Variants in LRP1B observed in about 807,000 individuals in gnomAD.
LRP1B encodes low-density lipoprotein receptor-related protein 1B.
In LRP1B, 217 loss-of-function variants were observed where a neutral mutation model predicts 556.6. The ratio of observed to expected loss-of-function variants is 0.39; its 90% confidence interval spans 0.35 to 0.44. The LOEUF (loss-of-function observed/expected upper bound fraction) is 0.44, where lower values mean the gene tolerates loss of function less well. LRP1B is among the 20% of genes least tolerant of loss of function. The probability of loss-of-function intolerance (pLI) is 1.00; values close to 1 mark genes in which losing one functional copy is unlikely to be tolerated. For missense variants in LRP1B, 5,053 were observed against 5,620.8 expected (o/e 0.90, Z 3.23); for synonymous variants, 2,047 against 1,865.8 (o/e 1.10, Z -2.50).
chr2:141,716,937 C>A (rs1011038258), intron 2 of LRP1B, among the ~76,000 whole-genome samples: 3 of 144,228 alleles, frequency 2.1e-5, no homozygotes, highest in Non-Finnish European at 4.5e-5. Context: ...TCTAAATAAA[C>A]CCTCTGTATT....
At chr2:141,661,436 A>C (rs977953179) in intron 2 of LRP1B, among the ~76,000 whole-genome samples, 2 of 152,324 alleles carry the variant, frequency 1.3e-5, no homozygotes, top group African/African-American at 4.8e-5. Context: ...ACCATGATAA[A>C]ACATTACAGG....
chr2:142,056,609 G>A (rs1704681851), intron 1 of LRP1B, among the ~76,000 whole-genome samples: 1 of 151,988 alleles, frequency 6.6e-6, no homozygotes, highest in Admixed American at 6.6e-5. Context: ...AACACAAAGA[G>A]ATAAATGAAA....
intron 7 of LRP1B, among the ~76,000 whole-genome samples, chr2:141,121,758 G>A (rs1701055770): frequency 6.7e-6 from 1 of 148,692 alleles, no homozygotes; most frequent in Non-Finnish European, 1.5e-5. Context: ...CTACTTTAAA[G>A]TTCATATGGA....
At chr2:141,925,572 G>C (rs1170067789) in intron 1 of LRP1B, among the ~76,000 whole-genome samples, 2 of 152,192 alleles carry the variant, frequency 1.3e-5, no homozygotes, top group Admixed American at 1.3e-4. Context: ...GTCTAGGCCA[G>C]ACAATGTCCT....
chr2:141,661,633 A>G (rs1690223948), intron 2 of LRP1B, among the ~76,000 whole-genome samples: 1 of 152,196 alleles, frequency 6.6e-6, no homozygotes, highest in African/African-American at 2.4e-5. Flanking sequence ...ATTACAGAAA[A>G]AAGAATGAAA....
chr2:141,025,378 A>G (rs1024449356), intron 11 of LRP1B, among the ~76,000 whole-genome samples: 3 of 152,102 alleles, frequency 2.0e-5, no homozygotes, highest in Admixed American at 6.6e-5. Flanking sequence ...GTAGCTAACT[A>G]TGTGTGATGG....
intron 25 of LRP1B, among the ~76,000 whole-genome samples, chr2:140,870,552 C>G (rs547650801): frequency 6.6e-6 from 1 of 152,202 alleles, no homozygotes; most frequent in East Asian, 1.9e-4. Flanking sequence ...TTTCAGGACA[C>G]TTGAACCTTC....
At position 141,984,089 on chromosome 2, in the gene LRP1B, A is replaced by T. The variant is rs115185464; in HGVS notation, c.82+146559T>A. ...AAATAAATAAATAAATAAAAAGCCC[A>T]TTTAGTCCAGCCTGCTGGAGTGGCA... is the stretch of plus-strand genomic sequence containing the variant. On this transcript the variant is annotated intron_variant, in intron 1 of 90. Coordinates refer to ENST00000389484, the MANE Select transcript of LRP1B (RefSeq NM_018557.3). 8.3e-3 allele frequency among the ~76,000 whole-genome samples: 1,262 copies of T among 152,266 alleles called. 16 individuals are homozygous for T. The highest frequency in any genetic ancestry group is 0.029 in the African/African-American group (1,204 of 41,556).
At chr2:141,351,020 G>A (rs1437204181) in intron 3 of LRP1B, among the ~76,000 whole-genome samples, 1 of 151,876 alleles carries the variant, frequency 6.6e-6, no homozygotes, top group African/African-American at 2.4e-5. Flanking sequence ...ATCCACTTTG[G>A]CAATAATCTA....
chr2:141,033,553 A>G (rs1698441071), intron 11 of LRP1B, among the ~76,000 whole-genome samples: 1 of 148,030 alleles, frequency 6.8e-6, no homozygotes, highest in Non-Finnish European at 1.5e-5. Flanking sequence ...AAAAAAAAAA[A>G]TCATATGTTG....
intron 32 of LRP1B, among the ~76,000 whole-genome samples, chr2:140,809,957 G>A (rs763402343): frequency 2.7e-4 from 41 of 152,012 alleles, no homozygotes; most frequent in Non-Finnish European, 5.1e-4. Flanking sequence ...CATCACTTCC[G>A]CCTTATACTC....
chr2:141,730,557 C>T (rs1277034901), intron 2 of LRP1B, among the ~76,000 whole-genome samples: 6 of 152,154 alleles, frequency 3.9e-5, no homozygotes, highest in Admixed American at 3.9e-4. Context: ...ATGTTTCTGG[C>T]ATTCTTGTTG....
intron 1 of LRP1B, among the ~76,000 whole-genome samples, chr2:141,834,821 G>C (rs1351633186): frequency 6.6e-6 from 1 of 151,890 alleles, no homozygotes; most frequent in East Asian, 1.9e-4. Context: ...CTGAGAAAGT[G>C]AACTCAAGAA....
intron 1 of LRP1B, among the ~76,000 whole-genome samples, chr2:141,836,221 G>A (rs1322823607): frequency 6.6e-6 from 1 of 151,838 alleles, no homozygotes; most frequent in Admixed American, 6.6e-5. Context: ...AAATATTACA[G>A]CCACTATTGT....
intron 2 of LRP1B, among the ~76,000 whole-genome samples, chr2:141,509,265 C>T (rs1340755036): frequency 6.6e-6 from 1 of 152,072 alleles, no homozygotes; most frequent in Admixed American, 6.6e-5. Context: ...AGAAAATGAA[C>T]AGATATTCAT....
chr2:141,284,586 G>A (rs1003128178), intron 3 of LRP1B, among the ~76,000 whole-genome samples: 9 of 152,140 alleles, frequency 5.9e-5, no homozygotes, highest in African/African-American at 2.2e-4. Flanking sequence ...TCCTCTAAAA[G>A]CTTTACGATT....
chr2:141,193,376 A>G (rs773473238), intron 6 of LRP1B, among the ~76,000 whole-genome samples: 2 of 152,034 alleles, frequency 1.3e-5, no homozygotes, highest in Non-Finnish European at 2.9e-5. Flanking sequence ...TAAAGAAAAC[A>G]TGGTGCATAT....
At chr2:141,893,757 A>G (rs534281857) in intron 1 of LRP1B, among the ~76,000 whole-genome samples, 1 of 152,292 alleles carries the variant, frequency 6.6e-6, no homozygotes, top group East Asian at 1.9e-4. Context: ...AAATACACAC[A>G]ACCATTTAAA....
chr2:141,417,574 A>G (rs1679945979), intron 3 of LRP1B, among the ~76,000 whole-genome samples: 1 of 152,196 alleles, frequency 6.6e-6, no homozygotes, highest in South Asian at 2.1e-4. Context: ...TAGCTGATTA[A>G]TATTGCATCA....
Sources: gnomAD v4.1 joint callset for allele counts (sites outside exome capture counted in the v4.1 genomes callset) on GRCh38, gnomAD v4.1.1 for gene constraint, MANE v1.5 for transcripts, NCBI Gene and HGNC (gene_info 2026-07-23, HGNC 2026-07-21) for gene names.